TSPAN15: variants seen among roughly 807,000 people sequenced by gnomAD.
The protein encoded by TSPAN15 is tetraspanin 15, also known as tetraspanin-15.
A neutral mutation model predicts 34.5 loss-of-function variants in TSPAN15; 20 were observed. The observed-to-expected ratio is 0.58, with a 90% CI of 0.41 to 0.84. TSPAN15 has a LOEUF of 0.84. Ranked by LOEUF, TSPAN15 falls within the 40% of genes least tolerant of loss-of-function variation. TSPAN15 has a pLI of 0.00. For synonymous variants in TSPAN15, 155 were observed against 153.9 expected (o/e 1.01, Z -0.05); for missense variants, 313 against 386.1 (o/e 0.81, Z 1.59).
the TSPAN15 span, among the ~76,000 whole-genome samples, chr10:69,528,685 A>G: frequency 6.7e-6 from 1 of 148,452 alleles, no homozygotes. Flanking sequence ...GGAACAGCTC[A>G]CAGAAGCCCC....
the TSPAN15 span, among the ~76,000 whole-genome samples, chr10:69,546,265 G>A: frequency 2.7e-3 from 408 of 152,284 alleles, no homozygotes; most frequent in Non-Finnish European, 4.3e-3. Context: ...GAGAGCCTGC[G>A]TAGTCTCTAG....
At chr10:69,523,114 G>T in the TSPAN15 span, among the ~76,000 whole-genome samples, 2 of 147,910 alleles carry the variant, frequency 1.4e-5, 1 homozygote, top group Non-Finnish European at 3.0e-5. Flanking sequence ...TGTATATGGG[G>T]TAAAGTAATT....
At chr10:69,526,035 T>A in the TSPAN15 span, among the ~76,000 whole-genome samples, 2 of 146,944 alleles carry the variant, frequency 1.4e-5, no homozygotes, top group Non-Finnish European at 3.0e-5. Context: ...AAACTTTATC[T>A]TCTATAAAAG....
At position 69,459,928 on chromosome 10, in the gene TSPAN15, C is replaced by CCA. The variant is rs1554830971; in HGVS notation, c.96+8239_96+8240insAC. On this transcript the variant is annotated intron_variant, in intron 1 of 7. Transcript: ENST00000373290. Reference sequence around the variant, plus strand: ...GGAGGGAGACTCTAGGCACCCCCCCCCCACGAATGGAGGGAGACTCTAGGG... The same window carrying CCA: ...GGAGGGAGACTCTAGGCACCCCCCCCCACCACGAATGGAGGGAGACTCTAGGG... 9.7e-4 allele frequency among the ~76,000 whole-genome samples: 130 copies of CCA among 133,996 alleles called. 2 individuals are homozygous for CCA. Among genetic ancestry groups the CCA allele is most frequent in the Middle Eastern group, 4.0e-3 (1 of 252 alleles). The allele number at this position is 133,996 out of a possible 152,430, so 87.9% of individuals were successfully genotyped here. A position where few individuals can be genotyped will look rare whatever the true frequency, so the allele number is the denominator to read the frequency against.
chr10:69,492,944 T>C (rs1841998937), intron 3 of TSPAN15, among the ~76,000 whole-genome samples: 1 of 152,084 alleles, frequency 6.6e-6, no homozygotes, highest in South Asian at 2.1e-4. Context: ...GGGAGGAACC[T>C]CCCCACGTGT....
In TSPAN15 at chr10:69,506,010, A is replaced by C; in HGVS notation, c.619-114A>C. 1.3e-6 allele frequency: 1 copy of C among 770,704 alleles called. No homozygotes were observed. The highest frequency in any genetic ancestry group is 2.2e-6 in the Non-Finnish European group (1 of 459,560). 47.7% of individuals were successfully genotyped at this position (770,704 alleles called of 1,614,324 possible). A position where few individuals can be genotyped will look rare whatever the true frequency, so the allele number is the denominator to read the frequency against. On this transcript the variant is annotated intron_variant, in intron 6 of 7. Transcript: ENST00000373290. The surrounding 1 kb of genome is among the most constrained non-coding windows in gnomAD (Gnocchi z 4.7). ...TTCTCATGCTGCATATGGGAAACTG[A>C]GGATCACAGCGGTTGAGGGACTAGC...
the TSPAN15 span, among the ~76,000 whole-genome samples, chr10:69,544,403 T>C: frequency 2.0e-5 from 3 of 152,146 alleles, no homozygotes; most frequent in South Asian, 4.1e-4. Context: ...GTGGGAGTGA[T>C]GGGATGGTGG....
Position 69,451,701 on chromosome 10 carries a change from C to A in TSPAN15, c.96+11C>A. ...TCCACCGTGTTCTGGGTGAGTGACC[C>A]CAGTAGGGCCCGGGGATGGGGGTGG... On this transcript the variant is annotated intron_variant, in intron 1 of 7. Transcript: ENST00000373290. The A allele has an allele frequency of 6.8e-7, 1 of 1,474,710 alleles. No individual in the cohort carries two copies. Among genetic ancestry groups the A allele is most frequent in the East Asian group, 2.7e-5 (1 of 36,536 alleles). The allele number at this position is 1,474,710 out of a possible 1,614,324, so 91.4% of individuals were successfully genotyped here.
rs773847130 is a variant in TSPAN15, at chr10:69,485,232, G to A, written c.357+17G>A. ...CGGAACCAGGTGGGCCTGTGGATTT[G>A]TGTATCGGCCATGTGTGTATGGAGC... On this transcript the variant is annotated intron_variant, in intron 3 of 7. Coordinates refer to ENST00000373290, the MANE Select transcript of TSPAN15 (RefSeq NM_012339.5). 6.8e-6 allele frequency: 11 copies of A among 1,613,480 alleles called. No individual in the cohort carries two copies. The East Asian group carries it at 2.2e-4, about 33-fold the overall frequency.
the TSPAN15 span, among the ~76,000 whole-genome samples, chr10:69,537,202 G>A: frequency 1.0e-3 from 155 of 152,244 alleles, no homozygotes; most frequent in African/African-American, 3.6e-3. Flanking sequence ...CCAGGCTGCA[G>A]GGCAACAACC....
intron 1 of TSPAN15, among the ~76,000 whole-genome samples, chr10:69,468,068 G>A (rs1319899606): frequency 1.8e-4 from 27 of 152,164 alleles, no homozygotes; most frequent in Admixed American, 7.2e-4. Flanking sequence ...AGCCAATTAG[G>A]AAAGGCTTGC....
chr10:69,486,875 A>G (rs1841865520), intron 3 of TSPAN15, among the ~76,000 whole-genome samples: 1 of 152,242 alleles, frequency 6.6e-6, no homozygotes, highest in South Asian at 2.1e-4. Context: ...CCATTTGCCC[A>G]TGAGGCTGCT....
the TSPAN15 span, among the ~76,000 whole-genome samples, chr10:69,547,636 TAG>T: frequency 6.6e-6 from 1 of 152,098 alleles, no homozygotes; most frequent in African/African-American, 2.4e-5. Context: ...AGGAAGTAAA[TAG>T]AGTTTTTTGG....
intron 1 of TSPAN15, among the ~76,000 whole-genome samples, chr10:69,480,328 A>G (rs1198332772): frequency 6.8e-6 from 1 of 147,200 alleles, no homozygotes; most frequent in Non-Finnish European, 1.5e-5. Flanking sequence ...CTGCCAGGGA[A>G]GAAGAAGCAT....
At chr10:69,463,997 A>G (rs1158355795) in intron 1 of TSPAN15, among the ~76,000 whole-genome samples, 1 of 152,192 alleles carries the variant, frequency 6.6e-6, no homozygotes, top group Admixed American at 6.5e-5. Context: ...GCAGAGGGAG[A>G]TATGAGACGG....
intron 3 of TSPAN15, among the ~76,000 whole-genome samples, chr10:69,490,822 T>C (rs1042559081): frequency 5.9e-5 from 9 of 152,260 alleles, no homozygotes; most frequent in African/African-American, 1.7e-4. Flanking sequence ...GTTTGTATCA[T>C]TTTTTACTGT....
chr10:69,505,357 C>T (rs1842302664), intron 6 of TSPAN15, among the ~76,000 whole-genome samples: 1 of 152,154 alleles, frequency 6.6e-6, no homozygotes, highest in Non-Finnish European at 1.5e-5. Flanking sequence ...TGAGGCATCC[C>T]TGAGGCTGTA....
At chr10:69,452,877 G>A (rs1438832236) in intron 1 of TSPAN15, among the ~76,000 whole-genome samples, 2 of 152,188 alleles carry the variant, frequency 1.3e-5, no homozygotes, top group South Asian at 2.1e-4. Flanking sequence ...TTAGCCCCTT[G>A]CTGGGTCTCT....
chr10:69,474,074 G>A (rs879739199), intron 1 of TSPAN15, among the ~76,000 whole-genome samples: 3 of 152,158 alleles, frequency 2.0e-5, no homozygotes, highest in Admixed American at 6.5e-5. Context: ...ATTCAGCCAG[G>A]TGTCCCCTGG....
Sources: gnomAD v4.1 joint callset for allele counts (sites outside exome capture counted in the v4.1 genomes callset) on GRCh38, gnomAD v4.1.1 for gene constraint, Gnocchi (gnomAD v3.1) non-coding constraint, MANE v1.5 for transcripts, NCBI Gene and HGNC (gene_info 2026-07-23, HGNC 2026-07-21) for gene names.